DPYD: variants seen among roughly 807,000 people sequenced by gnomAD.
DPYD encodes the protein dihydropyrimidine dehydrogenase [NADP(+)].
In DPYD, 109 loss-of-function variants were observed where a neutral mutation model predicts 116.2. That is an observed-to-expected ratio of 0.94 (90% CI 0.80 to 1.10). DPYD has a LOEUF of 1.10. Among genes scored for constraint, DPYD ranks in the 50% least tolerant of loss-of-function variants. DPYD has a pLI of 0.00. For synonymous variants in DPYD, 440 were observed against 432.0 expected (o/e 1.02, Z -0.23); for missense variants, 1,302 against 1,254.5 (o/e 1.04, Z -0.57).
intron 16 of DPYD, among the ~76,000 whole-genome samples, chr1:97,338,200 A>C (rs1393059173): frequency 2.6e-5 from 4 of 152,202 alleles, no homozygotes; most frequent in Non-Finnish European, 5.9e-5. Context: ...AGATAATCTA[A>C]GCAAAATAAA....
chr1:97,778,372 A>C lies in DPYD; in HGVS notation c.234-37893T>G, dbSNP rs140452376. 6.9e-3 allele frequency among the ~76,000 whole-genome samples: 1,046 copies of C among 152,178 alleles called. 9 individuals carry two copies. The highest frequency in any genetic ancestry group is 0.024 in the African/African-American group (988 of 41,544). Reference sequence around the variant, plus strand: ...AGTCTTGTGTGGTAAACATTATATTATCTCTAAATTATTAACAAGAAAAAA... The same window carrying C: ...AGTCTTGTGTGGTAAACATTATATTCTCTCTAAATTATTAACAAGAAAAAA... On this transcript the variant is annotated intron_variant, in intron 3 of 22. Coordinates refer to ENST00000370192, the MANE Select transcript of DPYD (RefSeq NM_000110.4).
intron 20 of DPYD, among the ~76,000 whole-genome samples, chr1:97,191,047 GACACACACACACAT>G (rs1658319143): frequency 6.6e-6 from 1 of 150,858 alleles, no homozygotes; most frequent in South Asian, 2.1e-4. Context: ...TATATGCAAA[GACACACACACACAT>G]ACACACACAT....
chr1:97,503,785 C>T (rs1056307893), intron 13 of DPYD, among the ~76,000 whole-genome samples: 7 of 151,410 alleles, frequency 4.6e-5, no homozygotes, highest in African/African-American at 1.2e-4. Flanking sequence ...ATGTTACTGA[C>T]AAAATCCAGA....
At chr1:97,452,499 C>T (rs968168144) in intron 13 of DPYD, among the ~76,000 whole-genome samples, 3 of 152,082 alleles carry the variant, frequency 2.0e-5, no homozygotes, top group Admixed American at 6.6e-5. Context: ...CTGCATTCTG[C>T]TGCTGAACAG....
chr1:97,637,657 C>CTGT (rs1298287108), intron 8 of DPYD, among the ~76,000 whole-genome samples: 1 of 151,966 alleles, frequency 6.6e-6, no homozygotes, highest in East Asian at 1.9e-4. Context: ...AGAAAGAAGA[C>CTGT]AACAAAGGAA....
chr1:97,148,646 G>A (rs1379462311), intron 20 of DPYD, among the ~76,000 whole-genome samples: 2 of 152,002 alleles, frequency 1.3e-5, no homozygotes, highest in Non-Finnish European at 2.9e-5. Flanking sequence ...TACATATTGG[G>A]AGATACCTAC....
chr1:97,725,020 C>T (rs1032241624), intron 4 of DPYD, among the ~76,000 whole-genome samples: 6 of 148,926 alleles, frequency 4.0e-5, no homozygotes, highest in Non-Finnish European at 7.5e-5. Context: ...AAAATTATTT[C>T]TATTTCCATG....
At chr1:97,827,530 G>C (rs955554339) in intron 3 of DPYD, among the ~76,000 whole-genome samples, 8 of 151,690 alleles carry the variant, frequency 5.3e-5, no homozygotes, top group Non-Finnish European at 1.0e-4. Context: ...ATCAAATTTG[G>C]GGCAATTTCA....
chr1:97,820,737 T>C lies in DPYD; in HGVS notation c.233+7377A>G, dbSNP rs142418181. The stretch of plus-strand genomic sequence containing the variant: ...TACTGGTAGTTCATCTTTATAGTAC[T>C]AATGTAAATATAACAGATCTCACTG... On this transcript the variant is annotated intron_variant, in intron 3 of 22. Transcript: ENST00000370192. Among the ~76,000 whole-genome samples, 25 of 152,326 alleles carry C rather than the reference T, an allele frequency of 1.6e-4. No homozygotes were observed. The East Asian group carries it at 4.1e-3, about 25-fold the overall frequency.
At chr1:97,366,845 C>T (rs1671066136) in intron 16 of DPYD, among the ~76,000 whole-genome samples, 1 of 152,124 alleles carries the variant, frequency 6.6e-6, no homozygotes, top group South Asian at 2.1e-4. Flanking sequence ...TTGTATTTTA[C>T]AAGTGCTGGG....
chr1:97,310,408 T>C (rs1446756043), intron 16 of DPYD, among the ~76,000 whole-genome samples: 2 of 151,824 alleles, frequency 1.3e-5, no homozygotes, highest in Non-Finnish European at 2.9e-5. Context: ...CAGCCATCAA[T>C]TGTAAACTAG....
Position 97,499,110 on chromosome 1 carries a change from C to A in DPYD, c.1740+16616G>T, listed in dbSNP as rs187594934. Among the ~76,000 whole-genome samples, 22 of 151,568 alleles carry A rather than the reference C, an allele frequency of 1.5e-4. No homozygotes were observed. In the East Asian group the frequency reaches 3.1e-3, roughly 21 times the overall value. ...GATGGGTTGGAGTTACAGCACTGAC[C>A]TCTATCTGATTTTTCTCCCTCAGGA... On this transcript the variant is annotated intron_variant, in intron 13 of 22. Coordinates refer to ENST00000370192, the MANE Select transcript of DPYD (RefSeq NM_000110.4).
intron 8 of DPYD, among the ~76,000 whole-genome samples, chr1:97,664,819 G>GA (rs1306956326): frequency 6.6e-6 from 1 of 151,924 alleles, no homozygotes; most frequent in African/African-American, 2.4e-5. Context: ...CCAGTTTTCA[G>GA]AAAAAATGAC....
At position 97,816,304 on chromosome 1, in the gene DPYD, C is replaced by G. The variant is rs992794468; in HGVS notation, c.233+11810G>C. 6.0e-5 allele frequency among the ~76,000 whole-genome samples: 9 copies of G among 151,042 alleles called. No homozygotes were observed. In the East Asian group the frequency reaches 1.8e-3, roughly 29 times the overall value. ...AAAAAGAGAAAAAAAAAAGAAAATA[C>G]AAAAACAAAAAACCCTCTTTGTAGA... is the stretch of plus-strand genomic sequence containing the variant. On this transcript the variant is annotated intron_variant, in intron 3 of 22. Coordinates refer to ENST00000370192, the MANE Select transcript of DPYD (RefSeq NM_000110.4).
chr1:97,403,498 G>C (rs772491572), intron 14 of DPYD, among the ~76,000 whole-genome samples: 1 of 152,026 alleles, frequency 6.6e-6, no homozygotes, highest in Non-Finnish European at 1.5e-5. Context: ...TTCTTTAATA[G>C]ATATAAGCTG....
chr1:97,724,605 C>T (rs887957358), intron 4 of DPYD, among the ~76,000 whole-genome samples: 3 of 151,358 alleles, frequency 2.0e-5, no homozygotes, highest in African/African-American at 7.3e-5. Flanking sequence ...CAGGGTAGAG[C>T]TAGCATTTTG....
chr1:97,540,359 GAACAAAACAAAACAA>G (rs775739257), intron 12 of DPYD, among the ~76,000 whole-genome samples: 12,660 of 142,404 alleles, frequency 0.089, 706 homozygotes, highest in South Asian at 0.14. Context: ...GCGGGGCAGG[GAACAAAACAAAACAA>G]AACAAAACAA....
chr1:97,819,158 T>A (rs1196852471), intron 3 of DPYD, among the ~76,000 whole-genome samples: 1 of 151,972 alleles, frequency 6.6e-6, no homozygotes, highest in Non-Finnish European at 1.5e-5. Flanking sequence ...GTGAAATATG[T>A]GTTTTTCTGT....
chr1:97,223,464 ATTGT>A (rs1231615242), intron 19 of DPYD, among the ~76,000 whole-genome samples: 2 of 152,046 alleles, frequency 1.3e-5, no homozygotes, highest in Admixed American at 1.3e-4. Context: ...ACAGGTCATA[ATTGT>A]TTGTGAATTA....
Sources: gnomAD v4.1 joint callset for allele counts (sites outside exome capture counted in the v4.1 genomes callset) on GRCh38, gnomAD v4.1.1 for gene constraint, MANE v1.5 for transcripts, NCBI Gene and HGNC (gene_info 2026-07-23, HGNC 2026-07-21) for gene names.